SLC30A7: variants seen among roughly 807,000 people sequenced by gnomAD.
SLC30A7 encodes solute carrier family 30 member 7.
A neutral mutation model predicts 46.0 loss-of-function variants in SLC30A7; 35 were observed. That is an observed-to-expected ratio of 0.76 (90% CI 0.58 to 1.01). The LOEUF (loss-of-function observed/expected upper bound fraction) is 1.01. Ranked by LOEUF, SLC30A7 falls within the 50% of genes least tolerant of loss-of-function variation. SLC30A7 has a pLI of 0.00. For synonymous variants in SLC30A7, 147 were observed against 157.8 expected (o/e 0.93, Z 0.51); for missense variants, 464 against 451.1 (o/e 1.03, Z -0.26).
chr1:100,941,634 C>T (rs1294855255), intron 8 of SLC30A7: 1 of 598,548 alleles, frequency 1.7e-6, no homozygotes, highest in Non-Finnish European at 3.2e-6. Context: ...ATGCCAGCAA[C>T]AAATATCTTT....
chr1:100,915,181 T>TC lies in SLC30A7; in HGVS notation c.655+1375_655+1376insC, dbSNP rs1435759480. 1.5e-3 allele frequency among the ~76,000 whole-genome samples: 210 copies of TC among 144,522 alleles called. 1 individual carries two copies. The highest frequency in any genetic ancestry group is 5.2e-3 in the African/African-American group (205 of 39,588). 94.8% of individuals were successfully genotyped at this position (144,522 alleles called of 152,430 possible). On this transcript the variant is annotated intron_variant, in intron 6 of 10. Transcript: ENST00000357650. Reference sequence around the variant, plus strand: ...TTCCTCACTTCTTTTCTTTTTTCTTTTCTTTTCTTTCTTTTCTTTCTTTCT... The same window carrying TC: ...TTCCTCACTTCTTTTCTTTTTTCTTTCTCTTTTCTTTCTTTTCTTTCTTTCT...
intron 2 of SLC30A7, 52 bp from the exon 3 acceptor site, chr1:100,906,800 G>T: frequency 8.6e-7 from 1 of 1,166,466 alleles, no homozygotes; most frequent in East Asian, 2.3e-5. Flanking sequence ...AGAGAAAGAT[G>T]CCTACTGTTT....
intron 10 of SLC30A7, among the ~76,000 whole-genome samples, chr1:100,973,536 T>C (rs1214186712): frequency 1.3e-5 from 2 of 152,150 alleles, no homozygotes; most frequent in African/African-American, 2.4e-5. Context: ...CCAAATCCTT[T>C]ATCTCGGAGA....
chr1:100,992,646 C>T, the SLC30A7 span: 1 of 1,613,570 alleles, frequency 6.2e-7, no homozygotes, highest in Non-Finnish European at 8.5e-7. Flanking sequence ...CCTGGTTCTT[C>T]TCCTCGTATT....
At chr1:100,960,015 T>G (rs1415211149) in intron 8 of SLC30A7, among the ~76,000 whole-genome samples, 1 of 152,168 alleles carries the variant, frequency 6.6e-6, no homozygotes, top group Non-Finnish European at 1.5e-5. Context: ...ACTTGGTGAT[T>G]TAAGGGAGAA....
chr1:100,922,875 A>T (rs191609039), intron 8 of SLC30A7, among the ~76,000 whole-genome samples: 1 of 152,132 alleles, frequency 6.6e-6, no homozygotes, highest in Non-Finnish European at 1.5e-5. Context: ...TATACACTGT[A>T]TATGTCTTGA....
At position 100,952,618 on chromosome 1, in the gene SLC30A7, A is replaced by G. The variant is rs115699932; in HGVS notation, c.843-9210A>G. Among the ~76,000 whole-genome samples, 415 of 152,258 alleles carry G rather than the reference A, an allele frequency of 2.7e-3. 7 individuals carry two copies. Among genetic ancestry groups the G allele is most frequent in the African/African-American group, 9.7e-3 (404 of 41,558 alleles). On this transcript the variant is annotated intron_variant, in intron 8 of 10. Coordinates refer to ENST00000357650, the MANE Select transcript of SLC30A7 (RefSeq NM_133496.5). The stretch of plus-strand genomic sequence containing the variant: ...AAAAGGCAAGAAAAAAAACAAAGAG[A>G]TATAGTTCATCTATATCTTCCCTAG...
At chr1:100,974,041 G>A (rs1275049908) in intron 10 of SLC30A7, among the ~76,000 whole-genome samples, 6 of 152,140 alleles carry the variant, frequency 3.9e-5, no homozygotes, top group South Asian at 2.1e-4. Flanking sequence ...AAGAAGAGCG[G>A]AGATGGGGAG....
At position 100,965,652 on chromosome 1, in the gene SLC30A7, T is replaced by C. The variant is rs79305516; in HGVS notation, c.934-117T>C. 2.6e-3 allele frequency: 2,112 copies of C among 816,238 alleles called. 36 individuals are homozygous for C. The African/African-American group carries it at 0.033, about 13-fold the overall frequency. The allele number at this position is 816,238 out of a possible 1,614,324, so 50.6% of individuals were successfully genotyped here. The stretch of plus-strand genomic sequence containing the variant: ...TATTTATTTATTCAAACATCCTCCT[T>C]TCCTTTTTTTAAAATGGACGATAGA... On this transcript the variant is annotated intron_variant, in intron 9 of 10. Coordinates refer to ENST00000357650, the MANE Select transcript of SLC30A7 (RefSeq NM_133496.5).
downstream of SLC30A7, among the ~76,000 whole-genome samples, chr1:100,985,142 G>GAAAT (rs1657194972): frequency 6.6e-6 from 1 of 152,182 alleles, no homozygotes; most frequent in Non-Finnish European, 1.5e-5. Context: ...AAAACAGACT[G>GAAAT]AAATAACAAC....
chr1:100,910,664 G>GT (rs1652023286), intron 3 of SLC30A7, among the ~76,000 whole-genome samples: 1 of 152,094 alleles, frequency 6.6e-6, no homozygotes, highest in Non-Finnish European at 1.5e-5. Context: ...AAATTAATAA[G>GT]TTTAAAAAAC....
the SLC30A7 span, chr1:100,990,086 T>G: frequency 3.2e-6 from 1 of 314,528 alleles, no homozygotes; most frequent in African/African-American, 2.2e-5. Flanking sequence ...GGTTTAATTT[T>G]CGACTCACAG....
At chr1:100,915,230 TTTC>T (rs1652445822) in intron 6 of SLC30A7, among the ~76,000 whole-genome samples, 2 of 127,100 alleles carry the variant, frequency 1.6e-5, no homozygotes, top group African/African-American at 6.0e-5. Flanking sequence ...TCTTTCTTTC[TTTC>T]TTTCTTTCTT....
Position 100,975,144 on chromosome 1 carries a change from CTT to C in SLC30A7, c.*289_*290del. The stretch of plus-strand genomic sequence containing the variant: ...TTAGGATGTTAATTTGTCCTTTTGT[CTT>C]TCTTTTTTTGTTTTTGTTTTCTGTT... On this transcript the variant is annotated 3_prime_UTR_variant, in exon 11 of 11. Coordinates refer to ENST00000357650, the MANE Select transcript of SLC30A7 (RefSeq NM_133496.5). 3.5e-6 allele frequency: 1 copy of C among 286,694 alleles called. No individual in the cohort carries two copies. Among genetic ancestry groups the C allele is most frequent in the Non-Finnish European group, 6.4e-6 (1 of 155,346 alleles). 17.8% of individuals were successfully genotyped at this position (286,694 alleles called of 1,614,324 possible).
intron 8 of SLC30A7, among the ~76,000 whole-genome samples, chr1:100,949,848 C>T (rs1049673217): frequency 3.3e-5 from 5 of 152,202 alleles, no homozygotes; most frequent in South Asian, 2.1e-4. Flanking sequence ...CCTGGTCTGC[C>T]GGTTGCTCAG....
intron 3 of SLC30A7, among the ~76,000 whole-genome samples, chr1:100,909,709 T>G (rs934649861): frequency 2.0e-5 from 3 of 152,068 alleles, no homozygotes; most frequent in African/African-American, 7.2e-5. Flanking sequence ...TTATCTGAAC[T>G]TAGATAGCAC....
downstream of SLC30A7, among the ~76,000 whole-genome samples, chr1:100,986,208 G>A (rs915910405): frequency 2.0e-5 from 3 of 152,060 alleles, no homozygotes; most frequent in African/African-American, 2.4e-5. Flanking sequence ...TTGGGAGTTC[G>A]GGACCAGCCT....
At chr1:100,939,189 C>T (rs977819625) in intron 8 of SLC30A7, among the ~76,000 whole-genome samples, 1 of 151,898 alleles carries the variant, frequency 6.6e-6, no homozygotes, top group Non-Finnish European at 1.5e-5. Context: ...TGATCATTAG[C>T]CAGTAACATT....
At chr1:100,983,375 C>CAAAAAAAAAAAAAAAAAAAAAAA (rs779529890), downstream of SLC30A7, among the ~76,000 whole-genome samples, 1 of 76,496 alleles carries the variant, frequency 1.3e-5, no homozygotes, top group African/African-American at 4.9e-5. Context: ...TACTTTGAGG[C>CAAAAAAAAAAAAAAAAAAAAAAA]AAAAAAAAAA....
Sources: allele counts gnomAD v4.1 joint callset (sites outside exome capture counted in the v4.1 genomes callset), GRCh38; gene constraint gnomAD v4.1.1; transcripts MANE v1.5; gene names NCBI Gene and HGNC (gene_info 2026-07-23, HGNC 2026-07-21).